The following MAOA variants were observed in gnomAD, a reference collection of about 807,000 sequenced individuals.
The protein encoded by MAOA is amine oxidase [flavin-containing] A.
Under a neutral mutation model 42.0 loss-of-function variants are expected in MAOA, and 6 were observed. The ratio of observed to expected loss-of-function variants is 0.14; its 90% CI spans 0.08 to 0.28. MAOA has a LOEUF of 0.28. Among genes scored for constraint, MAOA ranks in the 10% least tolerant of loss-of-function variants. The pLI is 1.00. For synonymous variants in MAOA, 140 were observed against 154.0 expected, an observed-to-expected ratio of 0.91 and a Z score of 0.67; for missense variants, 262 against 422.3, an observed-to-expected ratio of 0.62 and a Z score of 3.33.
intron 4 of MAOA, 135 bp downstream of exon 4, chrX:43,712,111 G>T: frequency 3.8e-6 from 2 of 527,331 alleles, no homozygotes; most frequent in Non-Finnish European, 3.3e-6. Context: ...AAACTGCAAA[G>T]TTGGTCGTAT....
chrX:43,741,908 C>G, intron 11 of MAOA, 42 bp from the exon 12 acceptor site: 3 of 1,208,776 alleles, frequency 2.5e-6, no homozygotes, highest in Non-Finnish European at 3.4e-6. Flanking sequence ...AGCATTTCAG[C>G]TTTGTTTTCT....
chrX:43,716,440 G>C (rs1184611646), intron 5 of MAOA, among the ~76,000 whole-genome samples: 1 of 112,028 alleles, frequency 8.9e-6, no homozygotes, highest in Non-Finnish European at 1.9e-5. Context: ...GAAAGACAAG[G>C]CAGAGTGGAT....
Position 43,728,252 on chromosome X carries a change from T to C in MAOA, c.583T>C (p.Leu195=), listed in dbSNP as rs1381317212. The C allele has an allele frequency of 8.3e-7, 1 of 1,210,990 alleles. No individual in the cohort carries two copies. The highest frequency in any genetic ancestry group is 1.1e-6 in the Non-Finnish European group (1 of 894,662). ...TCACGAAGTGTCTGCCCTGTGGTTC[T>C]TGTGGTATGTGAAGCAGTGCGGGGG... ...EPHEVSALWF[L]WYVKQCGGTT... The change falls in exon 6 of 15, where the codon TTG becomes CTG. Residue 195 remains leucine, a synonymous_variant. Transcript: ENST00000338702.
At chrX:43,720,790 G>A (rs2033782907) in intron 5 of MAOA, among the ~76,000 whole-genome samples, 1 of 107,201 alleles carries the variant, frequency 9.3e-6, no homozygotes, top group African/African-American at 3.4e-5. Context: ...TGGTTGTGGG[G>A]TGGGGGAGGG....
chrX:43,699,044 A>C (rs1175223877), intron 3 of MAOA, among the ~76,000 whole-genome samples: 1 of 111,479 alleles, frequency 9.0e-6, no homozygotes, highest in Non-Finnish European at 1.9e-5. Flanking sequence ...TGAGAGGCTG[A>C]GGCAGGAGGA....
intron 1 of MAOA, among the ~76,000 whole-genome samples, chrX:43,659,188 G>A (rs768320086): frequency 8.9e-6 from 1 of 111,804 alleles, no homozygotes; most frequent in African/African-American, 3.3e-5. Flanking sequence ...GCATCTGGAT[G>A]TATCTCCTTT....
chrX:43,743,583 T>C, intron 12 of MAOA: 1 of 450,016 alleles, frequency 2.2e-6, no homozygotes. Flanking sequence ...GATGATCTGA[T>C]GGCCTGATTC....
intron 11 of MAOA, among the ~76,000 whole-genome samples, chrX:43,741,479 C>G (rs1220031760): frequency 2.7e-5 from 3 of 111,570 alleles, no homozygotes; most frequent in Non-Finnish European, 5.6e-5. Flanking sequence ...AGAAAAGTGG[C>G]TGGGAAAAAA....
At chrX:43,657,769 A>G (rs767167549) in intron 1 of MAOA, 5 of 243,718 alleles carry the variant, frequency 2.1e-5, no homozygotes, top group African/African-American at 3.0e-5. Context: ...CCATTTTTAT[A>G]TATAAATCTT....
chrX:43,721,740 G>A (rs2033791195), intron 5 of MAOA, among the ~76,000 whole-genome samples: 1 of 108,608 alleles, frequency 9.2e-6, no homozygotes, highest in African/African-American at 3.4e-5. Context: ...TGTACAACAT[G>A]CAGGTTTGTT....
At chrX:43,716,095 G>A (rs1274350735) in intron 5 of MAOA, among the ~76,000 whole-genome samples, 2 of 111,155 alleles carry the variant, frequency 1.8e-5, no homozygotes, top group Non-Finnish European at 3.8e-5. Flanking sequence ...CAAAGGGGTA[G>A]GGGGAGATAG....
At chrX:43,738,154 A>C (rs1054144647) in intron 10 of MAOA, among the ~76,000 whole-genome samples, 3 of 112,349 alleles carry the variant, frequency 2.7e-5, no homozygotes, top group East Asian at 5.6e-4. Flanking sequence ...GATTATGATA[A>C]GCAACCAGAT....
chrX:43,734,818 T>C (rs954614043), intron 9 of MAOA, among the ~76,000 whole-genome samples: 1 of 112,057 alleles, frequency 8.9e-6, no homozygotes, highest in African/African-American at 3.2e-5. Context: ...TAACCAACAC[T>C]AACTGCCCTT....
chrX:43,719,199 T>C (rs1176457003), intron 5 of MAOA, among the ~76,000 whole-genome samples: 1 of 110,400 alleles, frequency 9.1e-6, no homozygotes, highest in Non-Finnish European at 1.9e-5. Context: ...GAAGGCTAGA[T>C]GTGGTTATAT....
intron 5 of MAOA, among the ~76,000 whole-genome samples, chrX:43,715,719 G>A (rs751971850): frequency 1.8e-5 from 2 of 110,252 alleles, no homozygotes; most frequent in African/African-American, 6.6e-5. Context: ...TGGTGTTTTC[G>A]GGGACATGGA....
chrX:43,683,483 T>C (rs1192218254), intron 1 of MAOA, 30 bp from the exon 2 acceptor site: 1 of 1,074,443 alleles, frequency 9.3e-7, no homozygotes, highest in Admixed American at 2.2e-5. Flanking sequence ...CATTTGAATG[T>C]TACGTTGCTC....
At chrX:43,712,021 C>G in intron 4 of MAOA, 45 bp downstream of exon 4, 1 of 891,842 alleles carries the variant, frequency 1.1e-6, no homozygotes, top group African/African-American at 2.0e-5. Context: ...ACTGAAATAA[C>G]AATGGCAACT....
At chrX:43,717,243 T>C (rs1253638257) in intron 5 of MAOA, among the ~76,000 whole-genome samples, 3 of 110,121 alleles carry the variant, frequency 2.7e-5, no homozygotes, top group Non-Finnish European at 5.7e-5. Context: ...TGTGAGGGAG[T>C]GATACCAAAA....
intron 2 of MAOA, among the ~76,000 whole-genome samples, chrX:43,689,213 G>A (rs1275133481): frequency 9.0e-6 from 1 of 111,495 alleles, no homozygotes; most frequent in Non-Finnish European, 1.9e-5. Context: ...CCCAGTAGCT[G>A]GGATCACAGG....
Sources: gnomAD v4.1 joint callset for allele counts (sites outside exome capture counted in the v4.1 genomes callset) on GRCh38, gnomAD v4.1.1 for gene constraint, MANE v1.5 for transcripts, NCBI Gene and HGNC (gene_info 2026-07-23, HGNC 2026-07-21) for gene names.